FHIP1A: variants seen among roughly 807,000 people sequenced by gnomAD.
FHIP1A encodes FHF complex subunit HOOK interacting protein 1A.
In FHIP1A, 61 loss-of-function variants were observed where a neutral mutation model predicts 88.6. The ratio of observed to expected loss-of-function variants is 0.69; its 90% confidence interval spans 0.56 to 0.85. FHIP1A has a LOEUF of 0.85. Among genes scored for constraint, FHIP1A ranks in the 40% least tolerant of loss-of-function variants. The probability of loss-of-function intolerance (pLI) is 0.00; values close to 1 mark genes in which losing one functional copy is unlikely to be tolerated. For synonymous variants in FHIP1A, 478 were observed against 496.0 expected, an observed-to-expected ratio of 0.96 and a Z score of 0.48; for missense variants, 1,154 against 1,273.5, an observed-to-expected ratio of 0.91 and a Z score of 1.43.
chr4:151,494,005 A>G (rs1336461071), intron 3 of FHIP1A, among the ~76,000 whole-genome samples: 1 of 152,250 alleles, frequency 6.6e-6, no homozygotes, highest in East Asian at 1.9e-4. Context: ...AATAAAGGGC[A>G]TCCAAATTGG....
In FHIP1A at chr4:151,650,332, C is replaced by T; in HGVS notation, c.2291C>T (p.Ser764Phe). The change falls in exon 11 of 14, where the codon TCC becomes TTC. Residue 764 changes from serine to phenylalanine, a missense_variant. Physicochemically the swap from Ser to Phe is radical, Grantham distance 155. Coordinates refer to ENST00000435205, the MANE Select transcript of FHIP1A (RefSeq NM_001109977.3). ...QYDQIIKELDSGAEGLMEQNY... is the reference protein window; with the variant it reads ...QYDQIIKELDFGAEGLMEQNY... ...GACCAAATCATTAAAGAGCTGGATTCCGGCGCCGAGGGCTTGATGGAACAG... is the reference window on the plus strand; with the variant it reads ...GACCAAATCATTAAAGAGCTGGATTTCGGCGCCGAGGGCTTGATGGAACAG... 3 of 1,551,702 alleles carry T rather than the reference C, an allele frequency of 1.9e-6. No individual in the cohort carries two copies. The highest frequency in any genetic ancestry group is 2.6e-6 in the Non-Finnish European group (3 of 1,147,004).
chr4:151,473,926 G>A (rs1366285156), intron 2 of FHIP1A, among the ~76,000 whole-genome samples: 1 of 152,166 alleles, frequency 6.6e-6, no homozygotes, highest in East Asian at 1.9e-4. Flanking sequence ...TGACCAGTCT[G>A]TCAGTTTTGT....
chr4:151,431,863 T>C (rs7677131), intron 1 of FHIP1A, among the ~76,000 whole-genome samples: 79,062 of 151,998 alleles, frequency 0.52, 20,868 homozygotes, highest in African/African-American at 0.55. Context: ...CTGCTTTGTA[T>C]GGCAGGTTTA....
At chr4:151,416,814 C>T (rs1732908570) in intron 1 of FHIP1A, among the ~76,000 whole-genome samples, 1 of 151,746 alleles carries the variant, frequency 6.6e-6, no homozygotes, top group Non-Finnish European at 1.5e-5. Context: ...AGCAGGGTCT[C>T]ACTCTGTCAT....
chr4:151,554,557 G>C (rs1000350976), intron 3 of FHIP1A, among the ~76,000 whole-genome samples: 3 of 152,176 alleles, frequency 2.0e-5, no homozygotes, highest in Admixed American at 6.6e-5. Flanking sequence ...CAGGTACTTA[G>C]TAGGCACTTT....
At chr4:151,503,494 AGAT>A (rs1730721137) in intron 3 of FHIP1A, among the ~76,000 whole-genome samples, 3 of 152,164 alleles carry the variant, frequency 2.0e-5, no homozygotes, top group Non-Finnish European at 2.9e-5. Flanking sequence ...GCACACAGTT[AGAT>A]AAGCTTGATC....
At chr4:151,569,508 C>T (rs1024506666) in intron 4 of FHIP1A, among the ~76,000 whole-genome samples, 1 of 151,528 alleles carries the variant, frequency 6.6e-6, no homozygotes, top group Non-Finnish European at 1.5e-5. Context: ...GCCGAAATTG[C>T]GCCACTGCAC....
rs545769572 is a variant in FHIP1A at position 151,547,468 on chromosome 4, A to C, written c.-122-18670A>C. ...CCAGAATATAAATTTGATAAAAAGC[A>C]GTGAATTGACACCTTAGAGAGTTTT... On this transcript the variant is annotated intron_variant, in intron 3 of 13. Coordinates refer to ENST00000435205, the MANE Select transcript of FHIP1A (RefSeq NM_001109977.3). 5.3e-5 allele frequency among the ~76,000 whole-genome samples: 8 copies of C among 152,372 alleles called. No homozygotes were observed. In the South Asian group the frequency reaches 1.7e-3, roughly 32 times the overall value.
intron 3 of FHIP1A, among the ~76,000 whole-genome samples, chr4:151,511,296 G>C (rs576711373): frequency 2.1e-4 from 32 of 152,284 alleles, no homozygotes; most frequent in African/African-American, 6.7e-4. Flanking sequence ...ATGCAATCCC[G>C]AGGTGGAGCC....
intron 2 of FHIP1A, among the ~76,000 whole-genome samples, chr4:151,469,620 G>A (rs1729441533): frequency 6.6e-6 from 1 of 152,082 alleles, no homozygotes; most frequent in Non-Finnish European, 1.5e-5. Context: ...AGTTCATTAT[G>A]TCTAAAAGAC....
At chr4:151,484,783 T>C (rs911393681) in intron 3 of FHIP1A, among the ~76,000 whole-genome samples, 2 of 152,176 alleles carry the variant, frequency 1.3e-5, no homozygotes, top group Non-Finnish European at 2.9e-5. Flanking sequence ...TTCTGAGCTG[T>C]TGAGATAATT....
chr4:151,653,459 A>G (rs10032584), intron 11 of FHIP1A, among the ~76,000 whole-genome samples: 3,794 of 152,150 alleles, frequency 0.025, 156 homozygotes, highest in African/African-American at 0.086. Context: ...ATGAATTAAA[A>G]TTCTATTATT....
At chr4:151,573,692 G>A (rs1021100940) in intron 4 of FHIP1A, among the ~76,000 whole-genome samples, 4 of 151,894 alleles carry the variant, frequency 2.6e-5, no homozygotes, top group Non-Finnish European at 5.9e-5. Flanking sequence ...AGACCAGGCC[G>A]GGGGAGCCAC....
rs1731286555 is a variant in FHIP1A, at chr4:151,517,501, A to G, written c.-123+34853A>G. Among the ~76,000 whole-genome samples the G allele has an allele frequency of 2.6e-5, 4 of 152,192 alleles. 1 individual carries two copies. In the South Asian group the frequency reaches 8.3e-4, roughly 31 times the overall value. On this transcript the variant is annotated intron_variant, in intron 3 of 13. Coordinates refer to ENST00000435205, the MANE Select transcript of FHIP1A (RefSeq NM_001109977.3). ...ATATATATTCATTAAATGCAGCAAT[A>G]TGGCGACTTTGGTTGTCTTCCCAGC...
chr4:151,620,633 A>G (rs1458619951), intron 7 of FHIP1A, among the ~76,000 whole-genome samples: 4 of 152,190 alleles, frequency 2.6e-5, no homozygotes. Flanking sequence ...GAGTAGATCT[A>G]CAGGTCCTAC....
At chr4:151,611,481 C>T (rs954221364) in intron 7 of FHIP1A, among the ~76,000 whole-genome samples, 2 of 152,066 alleles carry the variant, frequency 1.3e-5, no homozygotes, top group Admixed American at 6.6e-5. Context: ...TGTATAAGGG[C>T]GTCAAACTTT....
At chr4:151,626,659 T>C (rs1325302677) in intron 7 of FHIP1A, among the ~76,000 whole-genome samples, 1 of 152,266 alleles carries the variant, frequency 6.6e-6, no homozygotes, top group Non-Finnish European at 1.5e-5. Context: ...GAATGTCATT[T>C]ACTGTTTCTA....
intron 3 of FHIP1A, among the ~76,000 whole-genome samples, chr4:151,547,906 T>C (rs866827270): frequency 6.7e-5 from 10 of 149,852 alleles, no homozygotes; most frequent in Middle Eastern, 3.4e-3. Context: ...AGAGTGAGAC[T>C]CCCTCTCAAA....
chr4:151,586,557 C>G, intron 5 of FHIP1A, 84 bp from the exon 6 acceptor site: 1 of 1,097,632 alleles, frequency 9.1e-7, no homozygotes, highest in Non-Finnish European at 1.3e-6. Context: ...TTGGGACCAG[C>G]AGCATTGGCA....
Sources: gnomAD v4.1 joint callset for allele counts (sites outside exome capture counted in the v4.1 genomes callset) on GRCh38, gnomAD v4.1.1 for gene constraint, MANE v1.5 for transcripts, NCBI Gene and HGNC (gene_info 2026-07-23, HGNC 2026-07-21) for gene names.